PRKAR1A: variants seen among roughly 807,000 people sequenced by gnomAD.
PRKAR1A encodes the protein cAMP-dependent protein kinase type I-alpha regulatory subunit.
In PRKAR1A, 3 loss-of-function variants were observed where a neutral mutation model predicts 52.0. The observed-to-expected ratio is 0.06, with a 90% CI of 0.03 to 0.15. PRKAR1A has a LOEUF of 0.15. Ranked by LOEUF, PRKAR1A falls within the 10% of genes least tolerant of loss-of-function variation. The pLI, the probability that PRKAR1A is intolerant of heterozygous loss-of-function variation, is 1.00. For missense variants in PRKAR1A, 240 were observed against 477.4 expected (o/e 0.50, Z 4.63); for synonymous variants, 188 against 168.4 (o/e 1.12, Z -0.90).
chr17:68,538,857 G>A (rs911115666), intron 11 of PRKAR1A, among the ~76,000 whole-genome samples: 2 of 152,190 alleles, frequency 1.3e-5, no homozygotes, highest in Non-Finnish European at 2.9e-5. Context: ...CGTTGTGGGG[G>A]AAATTTTGAT....
chr17:68,537,576 C>T (rs757459094), downstream of PRKAR1A: 4 of 1,613,254 alleles, frequency 2.5e-6, no homozygotes, highest in Non-Finnish European at 3.4e-6. The surrounding 1 kb of genome is among the most constrained non-coding windows in gnomAD (Gnocchi z 4.2). Flanking sequence ...TGCACCCCTC[C>T]ACTGTCCTTA....
chr17:68,427,091 G>C, the PRKAR1A span: 1 of 1,506,184 alleles, frequency 6.6e-7, no homozygotes, highest in Non-Finnish European at 9.2e-7. Flanking sequence ...GGGGAGGGAG[G>C]TCACTGTTGG....
chr17:68,433,270 G>A, the PRKAR1A span, among the ~76,000 whole-genome samples: 5 of 152,254 alleles, frequency 3.3e-5, no homozygotes, highest in South Asian at 2.1e-4. Flanking sequence ...GTGAACTCAC[G>A]TGGGTGGCTC....
chr17:68,522,396 A>G (rs75934283), intron 2 of PRKAR1A, among the ~76,000 whole-genome samples: 81 of 152,226 alleles, frequency 5.3e-4, no homozygotes, highest in African/African-American at 1.9e-3. Context: ...AAAAAACCCA[A>G]TTTTCAGGAT....
At chr17:68,455,361 CA>C in the PRKAR1A span, among the ~76,000 whole-genome samples, 7,418 of 102,586 alleles carry the variant, frequency 0.072, 577 homozygotes, top group African/African-American at 0.24. Flanking sequence ...AAGACTGTCT[CA>C]AAAAAAAAAA....
Position 68,531,086 on chromosome 17 carries a change from G to C in PRKAR1A, c.*637G>C. ...ATCTGCCTGGTTTTATTTATATCTTGTTATTAATGTTTCTTCTCCAATTCT... is the reference window on the plus strand; with the variant it reads ...ATCTGCCTGGTTTTATTTATATCTTCTTATTAATGTTTCTTCTCCAATTCT... On this transcript the variant is annotated 3_prime_UTR_variant, in exon 11 of 11. Coordinates refer to ENST00000589228, the MANE Select transcript of PRKAR1A (RefSeq NM_002734.5). The C allele has an allele frequency of 2.8e-6, 3 of 1,066,250 alleles. No individual in the cohort carries two copies. Among genetic ancestry groups the C allele is most frequent in the Non-Finnish European group, 3.4e-6 (3 of 880,052 alleles). 66.0% of individuals were successfully genotyped at this position (1,066,250 alleles called of 1,614,324 possible).
At chr17:68,484,065 C>T in the PRKAR1A span, among the ~76,000 whole-genome samples, 1 of 152,028 alleles carries the variant, frequency 6.6e-6, no homozygotes, top group African/African-American at 2.4e-5. Flanking sequence ...GGTATTTGTG[C>T]CTTTCCTTAT....
intron 2 of PRKAR1A, among the ~76,000 whole-genome samples, chr17:68,518,753 G>C (rs1165486916): frequency 2.0e-5 from 3 of 152,234 alleles, no homozygotes; most frequent in Non-Finnish European, 2.9e-5. Flanking sequence ...AATTTCTGCG[G>C]CAGGCTTGAA....
chr17:68,478,775 T>G, the PRKAR1A span, among the ~76,000 whole-genome samples: 9 of 151,460 alleles, frequency 5.9e-5, no homozygotes, highest in Non-Finnish European at 1.2e-4. Flanking sequence ...TAGCCCAGGC[T>G]AGAGCACAGT....
chr17:68,486,531 T>TCCTTCCC, the PRKAR1A span, among the ~76,000 whole-genome samples: 26 of 129,778 alleles, frequency 2.0e-4, no homozygotes, highest in Non-Finnish European at 3.9e-4. Flanking sequence ...CTTTCTTTCT[T>TCCTTCCC]TCTTTCTTTC....
the PRKAR1A span, among the ~76,000 whole-genome samples, chr17:68,445,649 T>C: frequency 3.3e-5 from 5 of 152,358 alleles, no homozygotes; most frequent in African/African-American, 1.2e-4. Context: ...CTCTTCCCAA[T>C]GGCTGTGCTC....
the PRKAR1A span, among the ~76,000 whole-genome samples, chr17:68,425,020 A>G: frequency 0.04 from 6,160 of 152,344 alleles, 246 homozygotes; most frequent in South Asian, 0.19. Flanking sequence ...AGGAAGCCCC[A>G]GCAGGCTCTC....
downstream of PRKAR1A, chr17:68,536,389 GAAAC>G (rs776801236): frequency 2.2e-6 from 1 of 454,124 alleles, no homozygotes; most frequent in South Asian, 1.6e-5. Flanking sequence ...TATGGAATAA[GAAAC>G]AAAGCCTCCT....
the PRKAR1A span, among the ~76,000 whole-genome samples, chr17:68,465,237 C>A: frequency 3.3e-5 from 5 of 151,992 alleles, no homozygotes; most frequent in Non-Finnish European, 2.9e-5. Context: ...CGGCCCCGGC[C>A]GGGTTATTTT....
chr17:68,424,003 G>A, the PRKAR1A span, among the ~76,000 whole-genome samples: 11 of 152,102 alleles, frequency 7.2e-5, no homozygotes, highest in African/African-American at 2.4e-4. Flanking sequence ...TTGTCCCCAC[G>A]GTGTCTGACC....
chr17:68,534,473 C>T (rs1371701758), downstream of PRKAR1A, among the ~76,000 whole-genome samples: 3 of 151,594 alleles, frequency 2.0e-5, no homozygotes, highest in African/African-American at 7.3e-5. Context: ...AGCCTCCCAA[C>T]ACACATGTTC....
At chr17:68,420,990 T>C in the PRKAR1A span, 1 of 155,636 alleles carries the variant, frequency 6.4e-6, no homozygotes, top group Non-Finnish European at 1.4e-5. Flanking sequence ...ATCTTTAATA[T>C]GCAAACAAAT....
At chr17:68,449,648 C>T in the PRKAR1A span, among the ~76,000 whole-genome samples, 1 of 152,206 alleles carries the variant, frequency 6.6e-6, no homozygotes, top group Non-Finnish European at 1.5e-5. Context: ...GCTCCTGCCA[C>T]GTAAGACGCC....
At chr17:68,516,322 G>A (rs1396820954) in intron 2 of PRKAR1A, among the ~76,000 whole-genome samples, 8 of 152,008 alleles carry the variant, frequency 5.3e-5, no homozygotes, top group African/African-American at 1.9e-4. Flanking sequence ...CTCAAGAAAC[G>A]ATGAATGAAA....
Sources: gnomAD v4.1 joint callset for allele counts (sites outside exome capture counted in the v4.1 genomes callset) on GRCh38, gnomAD v4.1.1 for gene constraint, Gnocchi (gnomAD v3.1) non-coding constraint, MANE v1.5 for transcripts, NCBI Gene and HGNC (gene_info 2026-07-23, HGNC 2026-07-21) for gene names.